SEMA3A: variants seen among roughly 807,000 people sequenced by gnomAD.
The protein encoded by SEMA3A is semaphorin 3A.
A neutral mutation model predicts 97.9 loss-of-function variants in SEMA3A; 29 were observed. The ratio of observed to expected loss-of-function variants is 0.30; its 90% confidence interval spans 0.22 to 0.40. SEMA3A has a LOEUF of 0.40. Ranked by LOEUF, SEMA3A falls within the 10% of genes least tolerant of loss-of-function variation. The pLI is 1.00. For synonymous variants in SEMA3A, 321 were observed against 323.7 expected (o/e 0.99, Z 0.09); for missense variants, 763 against 951.3 (o/e 0.80, Z 2.60).
chr7:84,470,638 ATACT>A (rs1266284778), intron 1 of SEMA3A, among the ~76,000 whole-genome samples: 1 of 152,106 alleles, frequency 6.6e-6, no homozygotes. Flanking sequence ...ATCATGGCTA[ATACT>A]TACTTACTTA....
intron 6 of SEMA3A, among the ~76,000 whole-genome samples, chr7:84,017,401 A>G (rs918235378): frequency 1.3e-5 from 2 of 152,232 alleles, no homozygotes; most frequent in African/African-American, 2.4e-5. Flanking sequence ...TGAATTAACA[A>G]TCTCATCTAG....
At chr7:84,135,073 AG>A in intron 1 of SEMA3A, 122 bp from the exon 2 acceptor site, 1 of 667,322 alleles carries the variant, frequency 1.5e-6, no homozygotes, top group Non-Finnish European at 2.4e-6. Flanking sequence ...CTTATTCTTC[AG>A]GGTACTAAGA....
Position 84,007,435 on chromosome 7 carries a change from AG to A in SEMA3A, c.1057del (p.Gly354ValfsTer47). 1 of 1,607,894 alleles carries A rather than the reference AG, an allele frequency of 6.2e-7. No homozygotes were observed. Among genetic ancestry groups the A allele is most frequent in the Non-Finnish European group, 8.5e-7 (1 of 1,177,024 alleles). ...TCCATCCCTGTGGGCATATGGACCAAGGAACACCCTTCTCACATCACTCATG... is the reference window on the plus strand; with the variant it reads ...TCCATCCCTGTGGGCATATGGACCAAGAACACCCTTCTCACATCACTCATG... ...YSMSDVRRVFLGPYAHRDGPN... is the reference protein window; with the variant it reads ...YSMSDVRRVFXGPYAHRDGPN... On this transcript the variant is annotated frameshift_variant, in exon 10 of 17. Transcript: ENST00000265362. LOFTEE classifies it high-confidence loss of function.
chr7:84,231,146 CA>C (rs1799108148), intron 3 of SEMA3A, among the ~76,000 whole-genome samples: 2 of 151,972 alleles, frequency 1.3e-5, no homozygotes, highest in Non-Finnish European at 2.9e-5. Context: ...GGAGTATCTT[CA>C]TATATTTGTC....
At chr7:84,344,397 C>G (rs1802244672) in intron 2 of SEMA3A, among the ~76,000 whole-genome samples, 2 of 152,070 alleles carry the variant, frequency 1.3e-5, no homozygotes, top group African/African-American at 4.8e-5. Context: ...AAGGTGAGCC[C>G]TACAATTGCA....
intron 6 of SEMA3A, among the ~76,000 whole-genome samples, chr7:84,045,773 T>C (rs1187474033): frequency 6.6e-6 from 1 of 151,922 alleles, no homozygotes; most frequent in African/African-American, 2.4e-5. Context: ...GATTAGATAA[T>C]AATCCTAACC....
intron 4 of SEMA3A, among the ~76,000 whole-genome samples, chr7:84,083,581 T>C (rs1334900172): frequency 6.6e-6 from 1 of 152,018 alleles, no homozygotes; most frequent in Non-Finnish European, 1.5e-5. Flanking sequence ...TTGTTCCCAT[T>C]AACCATTCCC....
At chr7:84,170,953 A>G (rs1394963202) in intron 1 of SEMA3A, among the ~76,000 whole-genome samples, 1 of 152,086 alleles carries the variant, frequency 6.6e-6, no homozygotes, top group Non-Finnish European at 1.5e-5. Flanking sequence ...AGGTCAATGT[A>G]TTATGAACAA....
intron 3 of SEMA3A, among the ~76,000 whole-genome samples, chr7:84,292,364 G>A (rs548049093): frequency 6.6e-5 from 10 of 151,738 alleles, no homozygotes; most frequent in African/African-American, 1.9e-4. Flanking sequence ...TTTCTGCTAA[G>A]CATTATTATT....
At position 84,083,522 on chromosome 7, in the gene SEMA3A, T is replaced by C. The variant is rs934722652; in HGVS notation, c.454-22964A>G. Among the ~76,000 whole-genome samples, 27 of 151,980 alleles carry C rather than the reference T, an allele frequency of 1.8e-4. 1 individual carries two copies. Among genetic ancestry groups the C allele is most frequent in the Admixed American group, 1.5e-3 (23 of 15,238 alleles). ...AAATTACTGTTAACTAAAGTCCTCC[T>C]ATTGCTCTATCAATCACTAAATCTT... On this transcript the variant is annotated intron_variant, in intron 4 of 16. Coordinates refer to ENST00000265362, the MANE Select transcript of SEMA3A (RefSeq NM_006080.3).
chr7:84,352,777 C>T (rs1802467426), intron 2 of SEMA3A, among the ~76,000 whole-genome samples: 1 of 151,774 alleles, frequency 6.6e-6, no homozygotes, highest in East Asian at 1.9e-4. Context: ...CTAAAAAATT[C>T]CAAGACTATC....
At chr7:83,994,905 C>G (rs1388457449) in intron 12 of SEMA3A, among the ~76,000 whole-genome samples, 1 of 152,096 alleles carries the variant, frequency 6.6e-6, no homozygotes, top group East Asian at 1.9e-4. Context: ...GCGGGCACCC[C>G]TCCCCCAGCC....
intron 1 of SEMA3A, among the ~76,000 whole-genome samples, chr7:84,462,880 A>G (rs1169580741): frequency 2.0e-5 from 3 of 152,204 alleles, no homozygotes; most frequent in Non-Finnish European, 4.4e-5. Context: ...CAAAATACCT[A>G]TGATGGAAAT....
At chr7:84,006,988 T>A (rs1790693796) in intron 10 of SEMA3A, among the ~76,000 whole-genome samples, 1 of 152,144 alleles carries the variant, frequency 6.6e-6, no homozygotes, top group Non-Finnish European at 1.5e-5. Flanking sequence ...AATATTTATG[T>A]AAAAACCTGG....
At chr7:84,049,532 A>G (rs1387252378) in intron 5 of SEMA3A, among the ~76,000 whole-genome samples, 1 of 152,088 alleles carries the variant, frequency 6.6e-6, no homozygotes, top group Non-Finnish European at 1.5e-5. Context: ...GAACATTTAC[A>G]TTCTGTGGCT....
chr7:83,977,072 A>G lies in SEMA3A; in HGVS notation c.1717+60T>C, dbSNP rs538664432. On this transcript the variant is annotated intron_variant, in intron 15 of 16. Coordinates refer to ENST00000265362, the MANE Select transcript of SEMA3A (RefSeq NM_006080.3). ...ATACATTGCATGCATATGCATGAAT[A>G]TGCATTATTATGATTTTAGCCTGGT... 17 of 942,668 alleles carry G rather than the reference A, an allele frequency of 1.8e-5. No homozygotes were observed. The East Asian group carries it at 4.1e-4, about 23-fold the overall frequency. The allele number at this position is 942,668 out of a possible 1,614,324, so 58.4% of individuals were successfully genotyped here.
At chr7:84,034,672 C>T (rs1383163828) in intron 6 of SEMA3A, among the ~76,000 whole-genome samples, 3 of 152,238 alleles carry the variant, frequency 2.0e-5, no homozygotes, top group African/African-American at 4.8e-5. Context: ...ACCAATGTCA[C>T]GACACCTAGG....
chr7:84,436,115 A>C (rs767748214), intron 1 of SEMA3A, among the ~76,000 whole-genome samples: 1 of 152,210 alleles, frequency 6.6e-6, no homozygotes, highest in African/African-American at 2.4e-5. Flanking sequence ...TGTTGGGATA[A>C]CTGGCTAGCT....
intron 1 of SEMA3A, among the ~76,000 whole-genome samples, chr7:84,177,503 T>G (rs1439021548): frequency 6.6e-6 from 1 of 152,206 alleles, no homozygotes; most frequent in South Asian, 2.1e-4. Context: ...CTTAATGAAA[T>G]TATGGGAACA....
Sources: gnomAD v4.1 joint callset for allele counts (sites outside exome capture counted in the v4.1 genomes callset) on GRCh38, gnomAD v4.1.1 for gene constraint, MANE v1.5 for transcripts, NCBI Gene and HGNC (gene_info 2026-07-23, HGNC 2026-07-21) for gene names.